The following STX18 variants were observed in gnomAD, a reference collection of about 807,000 sequenced individuals.
STX18 encodes the protein syntaxin-18.
In STX18, 40 loss-of-function variants were observed where a neutral mutation model predicts 50.1. The ratio of observed to expected loss-of-function variants is 0.80; its 90% CI spans 0.62 to 1.04. The LOEUF is 1.04. Among genes scored for constraint, STX18 ranks in the 50% least tolerant of loss-of-function variants. The probability of loss-of-function intolerance (pLI) is 0.00; values close to 1 mark genes in which losing one functional copy is unlikely to be tolerated. For synonymous variants in STX18, 158 were observed against 151.8 expected (o/e 1.04, Z -0.30); for missense variants, 410 against 415.8 (o/e 0.99, Z 0.12).
At chr4:4,461,967 C>T (rs756120299) in intron 2 of STX18, 41 of 456,190 alleles carry the variant, frequency 9.0e-5, no homozygotes, top group Non-Finnish European at 1.8e-4. Flanking sequence ...GGGCCTGTCC[C>T]TGCTGTCTGT....
chr4:4,442,502 A>C (rs1726169638), intron 5 of STX18, among the ~76,000 whole-genome samples: 1 of 152,192 alleles, frequency 6.6e-6, no homozygotes, highest in African/African-American at 2.4e-5. Context: ...CTGTAGTCCC[A>C]GCTACTCAGG....
At chr4:4,482,708 C>T (rs1728520266) in intron 1 of STX18, among the ~76,000 whole-genome samples, 1 of 152,196 alleles carries the variant, frequency 6.6e-6, no homozygotes, top group Non-Finnish European at 1.5e-5. Context: ...TTCTCTCTGC[C>T]CAGAATGTCT....
intron 1 of STX18, among the ~76,000 whole-genome samples, chr4:4,488,779 C>G (rs574193719): frequency 3.9e-5 from 6 of 152,246 alleles, no homozygotes; most frequent in Non-Finnish European, 8.8e-5. Context: ...AATATCTAAA[C>G]AAGGGGAGGG....
At chr4:4,457,133 C>T (rs574044851) in intron 5 of STX18, 58 bp downstream of exon 5, 11 of 1,479,222 alleles carry the variant, frequency 7.4e-6, no homozygotes, top group Non-Finnish European at 1.0e-5. Flanking sequence ...CAAACTTTAA[C>T]TGCTATTATT....
chr4:4,501,723 T>C (rs1201426355), intron 1 of STX18, among the ~76,000 whole-genome samples: 1 of 152,228 alleles, frequency 6.6e-6, no homozygotes, highest in African/African-American at 2.4e-5. Flanking sequence ...AAGCAGATCA[T>C]GAACAATAAC....
At chr4:4,511,919 T>G (rs1180386421) in intron 1 of STX18, among the ~76,000 whole-genome samples, 1 of 152,132 alleles carries the variant, frequency 6.6e-6, no homozygotes, top group East Asian at 1.9e-4. Context: ...TTGGGCTGGA[T>G]AATACTTTGT....
At chr4:4,529,468 A>G (rs1298808124) in intron 1 of STX18, among the ~76,000 whole-genome samples, 1 of 151,646 alleles carries the variant, frequency 6.6e-6, no homozygotes, top group Non-Finnish European at 1.5e-5. Flanking sequence ...TTTCAAATAT[A>G]TAATGTATGC....
chr4:4,509,345 C>A (rs936165329), intron 1 of STX18, among the ~76,000 whole-genome samples: 2 of 151,980 alleles, frequency 1.3e-5, no homozygotes, highest in Admixed American at 6.6e-5. Context: ...TGTTTGCTGG[C>A]TGCATGTATA....
At chr4:4,504,873 C>T (rs201568671) in intron 1 of STX18, among the ~76,000 whole-genome samples, 1 of 151,534 alleles carries the variant, frequency 6.6e-6, no homozygotes, top group East Asian at 1.9e-4. Flanking sequence ...AATTGTACAG[C>T]CACTTTAGAA....
chr4:4,443,532 C>T (rs1250323093), intron 5 of STX18, among the ~76,000 whole-genome samples: 2 of 152,168 alleles, frequency 1.3e-5, no homozygotes, highest in Non-Finnish European at 2.9e-5. Context: ...GAAGAGAAAA[C>T]AATTACAAAA....
At chr4:4,504,991 GA>G (rs1226325829) in intron 1 of STX18, among the ~76,000 whole-genome samples, 6 of 152,226 alleles carry the variant, frequency 3.9e-5, no homozygotes, top group African/African-American at 1.4e-4. Flanking sequence ...TAGTGTATTT[GA>G]AAGTTGTGCA....
chr4:4,436,048 T>C (rs1274312677), intron 6 of STX18, among the ~76,000 whole-genome samples: 1 of 152,210 alleles, frequency 6.6e-6, no homozygotes, highest in Non-Finnish European at 1.5e-5. Flanking sequence ...TTTCCTTTTT[T>C]CCTCAATCTC....
chr4:4,507,655 G>T, intron 1 of STX18: 1 of 781,768 alleles, frequency 1.3e-6, no homozygotes. Flanking sequence ...ATGGCAGCCG[G>T]CTCATAAAGG....
chr4:4,439,575 A>G (rs1312701025), intron 5 of STX18, among the ~76,000 whole-genome samples: 1 of 137,168 alleles, frequency 7.3e-6, no homozygotes, highest in African/African-American at 2.7e-5. Flanking sequence ...CCCTACCCAT[A>G]TATATACACA....
chr4:4,527,800 A>G (rs1170902993), intron 1 of STX18, among the ~76,000 whole-genome samples: 1 of 147,396 alleles, frequency 6.8e-6, no homozygotes, highest in Admixed American at 6.8e-5. Flanking sequence ...TTATATATAT[A>G]TATGTTTTTA....
chr4:4,533,569 G>C (rs1731198511), intron 1 of STX18, among the ~76,000 whole-genome samples: 1 of 152,186 alleles, frequency 6.6e-6, no homozygotes, highest in Admixed American at 6.5e-5. Flanking sequence ...ATTAGTTACA[G>C]TGCTTACAAC....
chr4:4,425,454 A>G, intron 7 of STX18: 1 of 593,714 alleles, frequency 1.7e-6, no homozygotes, highest in East Asian at 2.8e-5. Flanking sequence ...CTCCATCTCA[A>G]CCACTGCACT....
At chr4:4,506,584 T>C (rs138730422) in intron 1 of STX18, among the ~76,000 whole-genome samples, 238 of 152,202 alleles carry the variant, frequency 1.6e-3, no homozygotes, top group African/African-American at 5.6e-3. Context: ...TGCATCCTAA[T>C]AGGGAAATGG....
intron 1 of STX18, among the ~76,000 whole-genome samples, chr4:4,531,107 C>T (rs1245565784): frequency 6.6e-6 from 1 of 151,802 alleles, no homozygotes; most frequent in East Asian, 1.9e-4. Context: ...ATAAATCTTC[C>T]TTTTCTTACT....
Sources: allele counts gnomAD v4.1 joint callset (sites outside exome capture counted in the v4.1 genomes callset), GRCh38; gene constraint gnomAD v4.1.1; transcripts MANE v1.5; gene names NCBI Gene and HGNC (gene_info 2026-07-23, HGNC 2026-07-21).